Variants in PKP2 observed in about 807,000 individuals in gnomAD.
PKP2 encodes the protein plakophilin 2.
A neutral mutation model predicts 83.4 loss-of-function variants in PKP2; 73 were observed. That is an observed-to-expected ratio of 0.88 (90% CI 0.72 to 1.06). The LOEUF (loss-of-function observed/expected upper bound fraction) is 1.06, where lower values mean the gene tolerates loss of function less well. Among genes scored for constraint, PKP2 ranks in the 50% least tolerant of loss-of-function variants. The probability of loss-of-function intolerance (pLI) is 0.00; values close to 1 mark genes in which losing one functional copy is unlikely to be tolerated. For synonymous variants in PKP2, 409 were observed against 430.4 expected, an observed-to-expected ratio of 0.95 and a Z score of 0.62; for missense variants, 966 against 1,065.4, an observed-to-expected ratio of 0.91 and a Z score of 1.30.
At chr12:32,845,397 A>G (rs768626675) in intron 5 of PKP2, among the ~76,000 whole-genome samples, 1 of 151,984 alleles carries the variant, frequency 6.6e-6, no homozygotes, top group Middle Eastern at 3.2e-3. Context: ...AAAAATACAA[A>G]AAAAATTAGC....
chr12:32,856,944 G>C (rs1265413182), intron 4 of PKP2, among the ~76,000 whole-genome samples: 1 of 152,082 alleles, frequency 6.6e-6, no homozygotes, highest in Non-Finnish European at 1.5e-5. Flanking sequence ...TACTTTATAG[G>C]TAAGAAAGCT....
chr12:32,863,499 A>G (rs935787661), intron 4 of PKP2: 15 of 177,696 alleles, frequency 8.4e-5, no homozygotes, highest in Non-Finnish European at 1.3e-4. Context: ...AAAAATTTTC[A>G]GGTAAAGGTA....
At chr12:32,864,309 TACAC>T (rs35886681) in intron 4 of PKP2, among the ~76,000 whole-genome samples, 2,561 of 145,584 alleles carry the variant, frequency 0.018, 22 homozygotes, top group South Asian at 0.03. Context: ...ACTATACACA[TACAC>T]ACACACACAC....
chr12:32,814,706 C>T lies in PKP2; in HGVS notation c.2013+6650G>A, dbSNP rs188733893. Among the ~76,000 whole-genome samples, 71 of 152,188 alleles carry T rather than the reference C, an allele frequency of 4.7e-4. 1 individual carries two copies. In the East Asian group the frequency reaches 0.012, roughly 27 times the overall value. On this transcript the variant is annotated intron_variant, in intron 9 of 12. Transcript: ENST00000340811. ...TGGGAGGCAGAGGAAGGCAGATCAC[C>T]TGAGGTCAGGAGTTCGAGACCAGCC...
Position 32,792,090 on chromosome 12 carries a change from C to A in PKP2, c.*334G>T. 2.5e-5 allele frequency: 9 copies of A among 359,322 alleles called. No individual in the cohort carries two copies. The highest frequency in any genetic ancestry group is 5.2e-5 in the South Asian group (2 of 38,502). 22.3% of individuals were successfully genotyped at this position (359,322 alleles called of 1,614,324 possible). On this transcript the variant is annotated 3_prime_UTR_variant, in exon 13 of 13. Coordinates refer to ENST00000340811, the MANE Select transcript of PKP2 (RefSeq NM_001005242.3). The stretch of plus-strand genomic sequence containing the variant: ...AAATGTAAATCAAACTTTTAAAATC[C>A]CAGTAATGCAACAGCTTCTTTCCTT...
chr12:32,864,323 C>T (rs1434596952), intron 4 of PKP2, among the ~76,000 whole-genome samples: 1 of 149,534 alleles, frequency 6.7e-6, no homozygotes, highest in African/African-American at 2.5e-5. Context: ...CACACACACA[C>T]ACACACACAC....
At chr12:32,835,642 T>G (rs941940062) in intron 6 of PKP2, among the ~76,000 whole-genome samples, 15 of 152,324 alleles carry the variant, frequency 9.8e-5, no homozygotes, top group African/African-American at 3.6e-4. Flanking sequence ...AGGAATTGTT[T>G]CTTCTTTGAA....
intron 3 of PKP2, among the ~76,000 whole-genome samples, chr12:32,876,534 TC>T (rs1956933733): frequency 6.6e-6 from 1 of 152,030 alleles, no homozygotes; most frequent in Non-Finnish European, 1.5e-5. Context: ...ATACACTTTC[TC>T]TTTTTTTTTT....
Position 32,845,947 on chromosome 12 carries a change from G to A in PKP2, c.1379-4742C>T, listed in dbSNP as rs117297054. On this transcript the variant is annotated intron_variant, in intron 5 of 12. Coordinates refer to ENST00000340811, the MANE Select transcript of PKP2 (RefSeq NM_001005242.3). ...CCCAGGGTACCTTGTTACACATTAC[G>A]AATGCGGAATAAAATAATATACAAT... Among the ~76,000 whole-genome samples, 1,319 of 152,144 alleles carry A rather than the reference G, an allele frequency of 8.7e-3. 4 individuals are homozygous for A. Among genetic ancestry groups the A allele is most frequent in the Middle Eastern group, 0.024 (7 of 294 alleles).
intron 6 of PKP2, among the ~76,000 whole-genome samples, chr12:32,829,650 C>T (rs1462441020): frequency 1.3e-5 from 2 of 150,078 alleles, no homozygotes. Flanking sequence ...GGCTGTGGGA[C>T]CAGTCTTTTA....
intron 4 of PKP2, among the ~76,000 whole-genome samples, chr12:32,865,241 G>A (rs1956836432): frequency 6.6e-6 from 1 of 151,938 alleles, no homozygotes; most frequent in Non-Finnish European, 1.5e-5. Flanking sequence ...CGGGTGTGGT[G>A]GCAGTTGCCT....
intron 10 of PKP2, among the ~76,000 whole-genome samples, chr12:32,799,179 A>G (rs1363357778): frequency 6.6e-6 from 1 of 152,240 alleles, no homozygotes; most frequent in African/African-American, 2.4e-5. Flanking sequence ...ATACATATGA[A>G]AAAATGCTCA....
rs1956205883 is a variant in PKP2, at chr12:32,804,338, G to A, written c.2014-1782C>T. On this transcript the variant is annotated intron_variant, in intron 9 of 12. Coordinates refer to ENST00000340811, the MANE Select transcript of PKP2 (RefSeq NM_001005242.3). The stretch of plus-strand genomic sequence containing the variant: ...TTTTAAGCTCAGGGGTACATGTGTA[G>A]GATGTGTAGGTTTGTTAGACAGGTT... Among the ~76,000 whole-genome samples the A allele has an allele frequency of 2.6e-5, 4 of 152,158 alleles. No homozygotes were observed. The South Asian group carries it at 8.3e-4, about 31-fold the overall frequency.
intron 10 of PKP2, among the ~76,000 whole-genome samples, chr12:32,796,679 G>A (rs771185096): frequency 3.0e-4 from 46 of 152,110 alleles, no homozygotes; most frequent in Non-Finnish European, 5.3e-4. Flanking sequence ...GATTACAGGC[G>A]TGAGACACTG....
chr12:32,869,951 C>A (rs542121278), intron 3 of PKP2, among the ~76,000 whole-genome samples: 1 of 152,278 alleles, frequency 6.6e-6, no homozygotes, highest in South Asian at 2.1e-4. Context: ...ATCGCTTGAG[C>A]TTGGGAGGTC....
chr12:32,863,270 A>C, intron 4 of PKP2: 1 of 256,182 alleles, frequency 3.9e-6, no homozygotes, highest in Non-Finnish European at 8.4e-6. Flanking sequence ...GCAAAGAACA[A>C]CACGGTGACT....
chr12:32,870,041 A>G (rs1192064802), intron 3 of PKP2, among the ~76,000 whole-genome samples: 1 of 152,162 alleles, frequency 6.6e-6, no homozygotes, highest in Non-Finnish European at 1.5e-5. Context: ...AAACAAACAA[A>G]CAAAATAATG....
At chr12:32,855,382 G>A (rs539043137) in intron 4 of PKP2, among the ~76,000 whole-genome samples, 1 of 152,238 alleles carries the variant, frequency 6.6e-6, no homozygotes, top group Admixed American at 6.5e-5. Flanking sequence ...CAGGCACACA[G>A]TAGTTACTCA....
chr12:32,825,683 G>A (rs1040750378), intron 6 of PKP2, among the ~76,000 whole-genome samples: 14 of 152,134 alleles, frequency 9.2e-5, no homozygotes, highest in African/African-American at 3.1e-4. Context: ...CAGGAGGACT[G>A]CTTGAGCCCA....
Sources: gnomAD v4.1 joint callset for allele counts (sites outside exome capture counted in the v4.1 genomes callset) on GRCh38, gnomAD v4.1.1 for gene constraint, MANE v1.5 for transcripts, NCBI Gene and HGNC (gene_info 2026-07-23, HGNC 2026-07-21) for gene names.